MAGI2: variants seen among roughly 807,000 people sequenced by gnomAD.
MAGI2 encodes membrane associated guanylate kinase, WW and PDZ domain containing 2, also known as membrane-associated guanylate kinase, WW and PDZ domain-containing protein 2.
In MAGI2, 35 loss-of-function variants were observed where a neutral mutation model predicts 133.3. The observed-to-expected ratio is 0.26, with a 90% CI of 0.20 to 0.35. The LOEUF (loss-of-function observed/expected upper bound fraction) is 0.35, where lower values mean the gene tolerates loss of function less well. MAGI2 is among the 10% of genes least tolerant of loss of function. The pLI is 1.00. For missense variants in MAGI2, 1,636 were observed against 1,863.4 expected (o/e 0.88, Z 2.25); for synonymous variants, 729 against 710.6 (o/e 1.03, Z -0.41).
chr7:78,892,805 G>C (rs1360579132), intron 2 of MAGI2, among the ~76,000 whole-genome samples: 2 of 152,076 alleles, frequency 1.3e-5, no homozygotes, highest in Non-Finnish European at 2.9e-5. Flanking sequence ...TTACCATTCA[G>C]GACATAGGCA....
At chr7:79,219,199 G>A (rs1326848802) in intron 1 of MAGI2, among the ~76,000 whole-genome samples, 1 of 151,942 alleles carries the variant, frequency 6.6e-6, no homozygotes, top group Non-Finnish European at 1.5e-5. Context: ...AAAAGCAATG[G>A]TTCTAGTTAA....
intron 21 of MAGI2, among the ~76,000 whole-genome samples, chr7:78,036,032 T>C (rs56284654): frequency 0.083 from 11,927 of 144,384 alleles, 527 homozygotes; most frequent in African/African-American, 0.096. Flanking sequence ...TATTGGCAAA[T>C]GCACGTTTGT....
chr7:79,104,933 A>G (rs188980073), intron 1 of MAGI2, among the ~76,000 whole-genome samples: 4 of 152,288 alleles, frequency 2.6e-5, no homozygotes, highest in Admixed American at 6.5e-5. Flanking sequence ...GTACCACTAT[A>G]TCCTACCTCC....
rs193264901 is a variant in MAGI2 at position 79,156,147 on chromosome 7, T to A, written c.302-148941A>T. On this transcript the variant is annotated intron_variant, in intron 1 of 21. Coordinates refer to ENST00000354212, the MANE Select transcript of MAGI2 (RefSeq NM_012301.4). ...TCATGCCCTACAAAATATAACTTCT[T>A]GTTAGATGGGTTTTATTTAACTCTA... Among the ~76,000 whole-genome samples, 167 of 152,234 alleles carry A rather than the reference T, an allele frequency of 1.1e-3. 1 individual carries two copies. The highest frequency in any genetic ancestry group is 5.7e-4 in the Non-Finnish European group (39 of 68,022).
intron 9 of MAGI2, among the ~76,000 whole-genome samples, chr7:78,293,963 G>A (rs1280876333): frequency 6.6e-6 from 1 of 152,038 alleles, no homozygotes; most frequent in Admixed American, 6.6e-5. Flanking sequence ...AGCATCAGGA[G>A]ATACACTTAA....
At chr7:79,144,706 C>A (rs1822451372) in intron 1 of MAGI2, among the ~76,000 whole-genome samples, 1 of 152,162 alleles carries the variant, frequency 6.6e-6, no homozygotes, top group African/African-American at 2.4e-5. Flanking sequence ...GGCATTATTA[C>A]TCTCATTTCC....
intron 2 of MAGI2, among the ~76,000 whole-genome samples, chr7:78,636,441 T>C (rs1434643482): frequency 6.6e-6 from 1 of 151,746 alleles, no homozygotes; most frequent in Non-Finnish European, 1.5e-5. Flanking sequence ...TCAATTACTG[T>C]TTTAAATTTT....
At chr7:78,111,523 G>C (rs1157937494) in intron 20 of MAGI2, among the ~76,000 whole-genome samples, 1 of 152,200 alleles carries the variant, frequency 6.6e-6, no homozygotes, top group Admixed American at 6.5e-5. Context: ...TCCTCCTCAT[G>C]TGAGGTAATG....
chr7:78,721,269 G>A (rs1260129098), intron 2 of MAGI2, among the ~76,000 whole-genome samples: 1 of 151,942 alleles, frequency 6.6e-6, no homozygotes, highest in African/African-American at 2.4e-5. Context: ...TAAAATCACT[G>A]TATATGTATG....
At chr7:79,007,394 C>T (rs898620988) in intron 1 of MAGI2, among the ~76,000 whole-genome samples, 188 bp from the exon 2 acceptor site, 2 of 152,136 alleles carry the variant, frequency 1.3e-5, no homozygotes, top group African/African-American at 4.8e-5. Flanking sequence ...CAATAATTGC[C>T]TGCCAAGTCT....
chr7:79,046,023 G>C (rs1017078524), intron 1 of MAGI2, among the ~76,000 whole-genome samples: 1 of 152,172 alleles, frequency 6.6e-6, no homozygotes, highest in Non-Finnish European at 1.5e-5. Context: ...AAATTTGAGT[G>C]AGGGATACAC....
At chr7:78,870,794 G>GC (rs1289063905) in intron 2 of MAGI2, among the ~76,000 whole-genome samples, 1 of 152,116 alleles carries the variant, frequency 6.6e-6, no homozygotes, top group Admixed American at 6.6e-5. Flanking sequence ...TATGGAGCCA[G>GC]CCTAAATGCC....
At chr7:79,076,890 A>C (rs1815512542) in intron 1 of MAGI2, among the ~76,000 whole-genome samples, 1 of 152,216 alleles carries the variant, frequency 6.6e-6, no homozygotes, top group African/African-American at 2.4e-5. Flanking sequence ...TGGGGAAATT[A>C]ATTTATTCCT....
chr7:78,452,876 T>A (rs1788876108), intron 6 of MAGI2, among the ~76,000 whole-genome samples: 1 of 152,122 alleles, frequency 6.6e-6, no homozygotes. Flanking sequence ...ATTAGCATAT[T>A]TTTAAAATTT....
chr7:78,903,949 C>G (rs1797814010), intron 2 of MAGI2: 1 of 152,172 alleles, frequency 6.6e-6, no homozygotes, highest in Non-Finnish European at 1.5e-5. Flanking sequence ...TTGAGAGCTG[C>G]ACAGAAATAA....
chr7:78,781,364 G>A (rs1257459003), intron 2 of MAGI2, among the ~76,000 whole-genome samples: 1 of 128,632 alleles, frequency 7.8e-6, no homozygotes, highest in Non-Finnish European at 1.6e-5. Context: ...GGGCGACACA[G>A]TGAGACTCCG....
chr7:78,620,176 T>C (rs1324035614), intron 3 of MAGI2, among the ~76,000 whole-genome samples: 1 of 151,924 alleles, frequency 6.6e-6, no homozygotes, highest in African/African-American at 2.4e-5. Flanking sequence ...CAAGAAATAT[T>C]ATTTATATTT....
chr7:79,220,709 C>G (rs1440540813), intron 1 of MAGI2, among the ~76,000 whole-genome samples: 1 of 152,070 alleles, frequency 6.6e-6, no homozygotes, highest in Admixed American at 6.5e-5. Context: ...ACAGTCACCT[C>G]ACTCTATTAA....
intron 1 of MAGI2, among the ~76,000 whole-genome samples, chr7:79,430,684 T>A (rs922073336): frequency 2.0e-5 from 3 of 152,196 alleles, no homozygotes; most frequent in African/African-American, 7.2e-5. Flanking sequence ...GCTGGTATTG[T>A]GACATATATG....
Sources: gnomAD v4.1 joint callset for allele counts (sites outside exome capture counted in the v4.1 genomes callset) on GRCh38, gnomAD v4.1.1 for gene constraint, MANE v1.5 for transcripts, NCBI Gene and HGNC (gene_info 2026-07-23, HGNC 2026-07-21) for gene names.